The following SOS2 variants were observed in gnomAD, a reference collection of about 807,000 sequenced individuals.
The protein encoded by SOS2 is SOS Ras/Rho guanine nucleotide exchange factor 2.
In SOS2, 65 loss-of-function variants were observed where a neutral mutation model predicts 148.2. The ratio of observed to expected loss-of-function variants is 0.44; its 90% CI spans 0.36 to 0.54. SOS2 has a LOEUF of 0.54. Ranked by LOEUF, SOS2 falls within the 20% of genes least tolerant of loss-of-function variation. The pLI, the probability that SOS2 is intolerant of heterozygous loss-of-function variation, is 0.00. For missense variants in SOS2, 1,341 were observed against 1,590.2 expected (o/e 0.84, Z 2.67); for synonymous variants, 539 against 537.1 (o/e 1.00, Z -0.05).
chr14:50,137,234 T>G (rs1021847672), intron 18 of SOS2, among the ~76,000 whole-genome samples: 1 of 152,178 alleles, frequency 6.6e-6, no homozygotes, highest in Non-Finnish European at 1.5e-5. Context: ...TACACACTAT[T>G]GCTCAAAATA....
At chr14:50,174,420 A>G (rs1396173428) in intron 8 of SOS2, 34 bp downstream of exon 8, 2 of 1,179,284 alleles carry the variant, frequency 1.7e-6, no homozygotes, top group South Asian at 1.5e-5. Flanking sequence ...CTTCTATTAG[A>G]TAAGTACTTT....
intron 4 of SOS2, among the ~76,000 whole-genome samples, chr14:50,198,624 C>G (rs959922351): frequency 6.6e-6 from 1 of 152,146 alleles, no homozygotes; most frequent in African/African-American, 2.4e-5. Flanking sequence ...GCAGTCAAGG[C>G]TGAGAACCAC....
chr14:50,157,530 AT>A lies in SOS2; in HGVS notation c.1935-410del, dbSNP rs550451796. Among the ~76,000 whole-genome samples the A allele has an allele frequency of 2.1e-4, 32 of 152,310 alleles. No individual in the cohort carries two copies. The East Asian group carries it at 6.2e-3, about 29-fold the overall frequency. On this transcript the variant is annotated intron_variant, in intron 11 of 22. Coordinates refer to ENST00000216373, the MANE Select transcript of SOS2 (RefSeq NM_006939.4). ...GGGCCAAAACCGAATATTTAACAAT[AT>A]TTAAATAATTTACCTAAGTGGATAA...
rs546590844 is a variant in SOS2, at chr14:50,117,531, C to G, written c.*813G>C. The G allele has an allele frequency of 1.3e-5, 2 of 152,196 alleles. No homozygotes were observed. Among genetic ancestry groups the G allele is most frequent in the Admixed American group, 1.3e-4 (2 of 15,292 alleles). 9.4% of individuals were successfully genotyped at this position (152,196 alleles called of 1,614,324 possible). The stretch of plus-strand genomic sequence containing the variant: ...AAGTAGCAGATTGTATTATAGGCCT[C>G]AAGTCACTTAAATTTATATAGGTTA... On this transcript the variant is annotated 3_prime_UTR_variant, in exon 23 of 23. Coordinates refer to ENST00000216373, the MANE Select transcript of SOS2 (RefSeq NM_006939.4).
intron 8 of SOS2, among the ~76,000 whole-genome samples, chr14:50,164,432 T>A (rs1885108932): frequency 6.6e-6 from 1 of 151,410 alleles, no homozygotes; most frequent in African/African-American, 2.4e-5. Flanking sequence ...AGAGTGAGAC[T>A]CTGTCCCCCG....
Position 50,199,772 on chromosome 14 carries a change from T to C in SOS2, c.429A>G (p.Lys143=). The change falls in exon 4 of 23, where the codon AAA becomes AAG. Residue 143 remains lysine, a synonymous_variant. Coordinates refer to ENST00000216373, the MANE Select transcript of SOS2 (RefSeq NM_006939.4). ...VLEYISADIL[K]LAGNYVFNIR... The stretch of plus-strand genomic sequence containing the variant: ...TATTAAAAACATAATTACCAGCCAA[T>C]TTTAAAATATCAGCTGAGATATACT... The C allele has an allele frequency of 6.2e-7, 1 of 1,604,944 alleles. No homozygotes were observed. Among genetic ancestry groups the C allele is most frequent in the South Asian group, 1.1e-5 (1 of 90,730 alleles).
At chr14:50,139,443 C>T (rs1345119032) in intron 17 of SOS2, among the ~76,000 whole-genome samples, 2 of 152,162 alleles carry the variant, frequency 1.3e-5, no homozygotes, top group African/African-American at 4.8e-5. Context: ...TGAATAGAGG[C>T]CAGGATGCTG....
chr14:50,134,206 C>T lies in SOS2; in HGVS notation c.2992G>A (p.Ala998Thr). The T allele has an allele frequency of 6.2e-7, 1 of 1,602,904 alleles. No individual in the cohort carries two copies. The highest frequency in any genetic ancestry group is 1.1e-5 in the South Asian group (1 of 90,458). ...TAATCTGTAAACTCTTTTTCAGATG[C>T]ACTTCCCATGGGGTTAAGGTTTTCA... is the stretch of plus-strand genomic sequence containing the variant. Reference protein sequence around the residue: ...FFENLNPMGSASEKEFTDYLF... With the variant: ...FFENLNPMGSTSEKEFTDYLF... The change falls in exon 19 of 23, where the codon GCA (alanine) becomes ACA (threonine). Residue 998 changes from alanine to threonine, a missense_variant. Ala to Thr is a moderately conservative substitution (Grantham distance 58). Coordinates refer to ENST00000216373, the MANE Select transcript of SOS2 (RefSeq NM_006939.4).
intron 16 of SOS2, among the ~76,000 whole-genome samples, chr14:50,141,622 GTAAA>G (rs1255989434): frequency 5.3e-5 from 8 of 152,056 alleles, no homozygotes; most frequent in Non-Finnish European, 7.4e-5. Context: ...TATTAACTGA[GTAAA>G]TAAAGAGATA....
chr14:50,197,689 C>CTTTTTT lies in SOS2; in HGVS notation c.510+1996_510+2001dup, dbSNP rs35121759. ...TCTTGAATAAAGTCAGCTTTACCAC[C>CTTTTTT]TTTTTTTTTTTTTTTTTTTGAAACA... is the stretch of plus-strand genomic sequence containing the variant. On this transcript the variant is annotated intron_variant, in intron 4 of 22. Coordinates refer to ENST00000216373, the MANE Select transcript of SOS2 (RefSeq NM_006939.4). Among the ~76,000 whole-genome samples the CTTTTTT allele has an allele frequency of 4.8e-5, 6 of 125,852 alleles. 2 individuals carry two copies. The highest frequency in any genetic ancestry group is 8.9e-5 in the African/African-American group (3 of 33,608). 82.6% of individuals were successfully genotyped at this position (125,852 alleles called of 152,430 possible). A position where few individuals can be genotyped will look rare whatever the true frequency, so the allele number is the denominator to read the frequency against.
intron 1 of SOS2, chr14:50,215,486 A>G: frequency 8.1e-7 from 1 of 1,241,304 alleles, no homozygotes; most frequent in South Asian, 1.4e-5. Flanking sequence ...TGCCTATCAT[A>G]TTTTTTGAAA....
At position 50,159,459 on chromosome 14, in the gene SOS2, A is replaced by G; in HGVS notation, c.1824T>C (p.Ile608=). 1 of 1,611,560 alleles carries G rather than the reference A, an allele frequency of 6.2e-7. No homozygotes were observed. The highest frequency in any genetic ancestry group is 8.5e-7 in the Non-Finnish European group (1 of 1,178,180). Residue 608 remains isoleucine (I), a synonymous_variant, in exon 10 of 23, where the codon ATT becomes ATC. Transcript: ENST00000216373. ...IIKGGTVVKL[I]ERLTYHMYAD... is the part of the protein sequence containing the mutation. ...CATACATATGATATGTTAACCTTTC[A>G]ATTAATTTCACTACAGTTCCTCCTT...
chr14:50,227,715 G>A (rs1364069922), intron 1 of SOS2, among the ~76,000 whole-genome samples: 3 of 152,116 alleles, frequency 2.0e-5, no homozygotes, highest in East Asian at 1.9e-4. Flanking sequence ...GAGCCACTGC[G>A]CCCAGCCCAT....
rs780697283 is a variant in SOS2 at position 50,130,559 on chromosome 14, T to G, written c.3279A>C (p.Pro1093=). The G allele has an allele frequency of 1.1e-5, 17 of 1,613,812 alleles. No homozygotes were observed. Among genetic ancestry groups the G allele is most frequent in the Middle Eastern group, 1.6e-4 (1 of 6,084 alleles). The stretch of plus-strand genomic sequence containing the variant: ...CACTAAGGTCTGAAGAAGCAGATAC[T>G]GGTGGAGTAGATGGTGTATTTGGAG... ...PTSPNTPSTP[P]VSASSDLSVF... Residue 1093 remains proline, a synonymous_variant, in exon 20 of 23, where the codon CCA becomes CCC. Coordinates refer to ENST00000216373, the MANE Select transcript of SOS2 (RefSeq NM_006939.4).
chr14:50,134,116 G>C lies in SOS2; in HGVS notation c.3075+7C>G. On this transcript the variant is annotated splice_region_variant and intron_variant, in intron 19 of 22. Coordinates refer to ENST00000216373, the MANE Select transcript of SOS2 (RefSeq NM_006939.4). The stretch of plus-strand genomic sequence containing the variant: ...AACACTTGTTCCCGAAATTATAAAA[G>C]ACTTACAAATCGAGGTGGCTGTTTG... 7.6e-7 allele frequency: 1 copy of C among 1,309,266 alleles called. No individual in the cohort carries two copies. The highest frequency in any genetic ancestry group is 2.3e-5 in the East Asian group (1 of 43,334). 81.1% of individuals were successfully genotyped at this position (1,309,266 alleles called of 1,614,324 possible). A position where few individuals can be genotyped will look rare whatever the true frequency, so the allele number is the denominator to read the frequency against.
chr14:50,205,766 C>T (rs1215577728), intron 1 of SOS2, among the ~76,000 whole-genome samples: 1 of 151,914 alleles, frequency 6.6e-6, no homozygotes, highest in African/African-American at 2.4e-5. Flanking sequence ...ACTAAAAATA[C>T]AAAATTAGCT....
intron 4 of SOS2, among the ~76,000 whole-genome samples, chr14:50,190,998 G>C (rs1886115557): frequency 2.0e-5 from 3 of 152,132 alleles, no homozygotes; most frequent in African/African-American, 7.2e-5. Context: ...TTTTAGAGTA[G>C]GTCATACTTG....
At chr14:50,122,946 G>C (rs560981196) in intron 21 of SOS2, among the ~76,000 whole-genome samples, 1 of 152,270 alleles carries the variant, frequency 6.6e-6, no homozygotes, top group Non-Finnish European at 1.5e-5. Context: ...TGAAGCACTA[G>C]CAATATAACC....
At chr14:50,200,330 A>G (rs916078751) in intron 3 of SOS2, among the ~76,000 whole-genome samples, 6 of 152,050 alleles carry the variant, frequency 3.9e-5, no homozygotes, top group Non-Finnish European at 7.4e-5. Flanking sequence ...TACACCAAAC[A>G]TATTTTGCCC....
Sources: gnomAD v4.1 joint callset for allele counts (sites outside exome capture counted in the v4.1 genomes callset) on GRCh38, gnomAD v4.1.1 for gene constraint, MANE v1.5 for transcripts, NCBI Gene and HGNC (gene_info 2026-07-23, HGNC 2026-07-21) for gene names.